The following GCC2 variants were observed in gnomAD, a reference collection of about 807,000 sequenced individuals.
The protein encoded by GCC2 is GRIP and coiled-coil domain containing 2, also known as GRIP and coiled-coil domain-containing protein 2.
GCC2 carries 120 observed loss-of-function variants against 210.6 expected under a neutral mutation model. The observed-to-expected ratio is 0.57, with a 90% CI of 0.49 to 0.66. GCC2 has a LOEUF of 0.66. Among genes scored for constraint, GCC2 ranks in the 30% least tolerant of loss-of-function variants. GCC2 has a pLI of 0.00. For synonymous variants in GCC2, 703 were observed against 652.7 expected (o/e 1.08, Z -1.17); for missense variants, 1,868 against 1,871.9 (o/e 1.00, Z 0.04).
intron 4 of GCC2, among the ~76,000 whole-genome samples, chr2:108,457,684 C>A (rs1011089813): frequency 2.0e-5 from 3 of 152,084 alleles, no homozygotes; most frequent in Non-Finnish European, 4.4e-5. Flanking sequence ...TTATAGAGAT[C>A]TTACACTTCT....
intron 11 of GCC2, 71 bp from the exon 12 acceptor site, chr2:108,482,991 T>C (rs1681947452): frequency 8.5e-6 from 7 of 822,966 alleles, no homozygotes; most frequent in Non-Finnish European, 1.4e-5. Context: ...TCAGATTTAT[T>C]TTAAAGCCCC....
At chr2:108,498,672 T>G (rs912342938) in intron 21 of GCC2, among the ~76,000 whole-genome samples, 10 of 152,212 alleles carry the variant, frequency 6.6e-5, no homozygotes, top group Admixed American at 1.3e-4. Context: ...CCTCAAAGAC[T>G]TGAACATCCT....
intron 18 of GCC2, 29 bp from the exon 19 acceptor site, chr2:108,492,544 C>G (rs1214653804): frequency 2.1e-6 from 3 of 1,447,972 alleles, no homozygotes. Flanking sequence ...GTTGAAAGAT[C>G]TTCTGTAACT....
Position 108,483,092 on chromosome 2 carries a change from G to A in GCC2, c.3376G>A (p.Glu1126Lys). The A allele has an allele frequency of 1.3e-6, 2 of 1,591,352 alleles. No individual in the cohort carries two copies. Among genetic ancestry groups the A allele is most frequent in the South Asian group, 2.2e-5 (2 of 90,548 alleles). The change falls in exon 12 of 23, where the codon GAA (glutamate) becomes AAA (lysine). Residue 1126 changes from glutamate to lysine, a missense_variant. By Grantham distance (56) the Glu-to-Lys change is moderately conservative. Coordinates refer to ENST00000309863, the MANE Select transcript of GCC2 (RefSeq NM_181453.4). ...TGCCACTACTGTAAATGAACTTGAA[G>A]AACTTCAGGTACAACTTCAAAAGCA... Reference protein sequence around the residue: ...EHATTVNELEELQVQLQKQKK... With the variant: ...EHATTVNELEKLQVQLQKQKK...
intron 4 of GCC2, among the ~76,000 whole-genome samples, chr2:108,459,845 G>T (rs1224576074): frequency 2.2e-5 from 3 of 135,506 alleles, no homozygotes; most frequent in African/African-American, 5.5e-5. Context: ...CAGAAGAATC[G>T]CTTGAACCTG....
At chr2:108,476,633 G>T (rs372084437) in intron 9 of GCC2, among the ~76,000 whole-genome samples, 3 of 152,092 alleles carry the variant, frequency 2.0e-5, no homozygotes, top group East Asian at 3.9e-4. Flanking sequence ...TTATTAAAAA[G>T]ATAAGAATTA....
In GCC2 at chr2:108,471,123, T is replaced by C. The variant is rs1356545280; in HGVS notation, c.1794T>C (p.Asp598=). Residue 598 remains aspartate (D), a synonymous_variant, in exon 6 of 23, where the codon GAT becomes GAC. Coordinates refer to ENST00000309863, the MANE Select transcript of GCC2 (RefSeq NM_181453.4). The stretch of plus-strand genomic sequence containing the variant: ...ATTCTCTTACTGAGGAAAAAGATGA[T>C]TTTATAAATAAACTGAAAAATTCCC... ...KINSLTEEKD[D]FINKLKNSHE... 7 of 1,586,952 alleles carry C rather than the reference T, an allele frequency of 4.4e-6. No individual in the cohort carries two copies. The highest frequency in any genetic ancestry group is 2.2e-5 in the East Asian group (1 of 44,688).
At chr2:108,505,859 A>G (rs1012534943) in intron 22 of GCC2, among the ~76,000 whole-genome samples, 7 of 152,208 alleles carry the variant, frequency 4.6e-5, no homozygotes, top group African/African-American at 1.7e-4. Flanking sequence ...AATAACACGC[A>G]GATAAAACCA....
intron 22 of GCC2, among the ~76,000 whole-genome samples, chr2:108,504,400 A>G (rs1360375212): frequency 6.6e-6 from 1 of 152,192 alleles, no homozygotes; most frequent in African/African-American, 2.4e-5. Context: ...AGTCCTTATA[A>G]TTAACACATA....
At position 108,469,700 on chromosome 2, in the gene GCC2, A is replaced by G. The variant is rs141520578; in HGVS notation, c.371A>G (p.His124Arg). 6,228 of 1,612,216 alleles carry G rather than the reference A, an allele frequency of 3.9e-3. 23 individuals are homozygous for G. Among genetic ancestry groups the G allele is most frequent in the Non-Finnish European group, 4.8e-3 (5,699 of 1,178,788 alleles). Residue 124 changes from histidine (H) to arginine (R), a missense_variant, in exon 6 of 23, where the codon CAT (histidine) becomes CGT (arginine). By Grantham distance (29) the His-to-Arg change is conservative. Transcript: ENST00000309863. ...GDAHKELEQSHINYVKEIENL... is the reference protein window; with the variant it reads ...GDAHKELEQSRINYVKEIENL... ...GCACATAAGGAGTTGGAACAATCAC[A>G]TATAAACTATGTGAAAGAAATTGAA...
rs1013954399 is a variant in GCC2 at position 108,449,260 on chromosome 2, G to A, written c.-15G>A. On this transcript the variant is annotated 5_prime_UTR_variant, in exon 1 of 23. Transcript: ENST00000309863. ...TGGCGGCGGCTGGTTGCGGGCCGGC[G>A]GCGGGCTGGCGGAGATGGAGGTAAC... is the stretch of plus-strand genomic sequence containing the variant. 7 of 1,549,226 alleles carry A rather than the reference G, an allele frequency of 4.5e-6. No homozygotes were observed. The highest frequency in any genetic ancestry group is 1.7e-4 in the Middle Eastern group (1 of 5,966).
intron 22 of GCC2, 99 bp from the exon 23 acceptor site, chr2:108,507,461 A>G (rs1683252977): frequency 2.4e-6 from 2 of 836,966 alleles, no homozygotes; most frequent in South Asian, 3.1e-5. Flanking sequence ...ATTTGCTTAT[A>G]TTGTAGAGTG....
At chr2:108,492,408 T>G (rs1162767372) in intron 18 of GCC2, among the ~76,000 whole-genome samples, 165 bp from the exon 19 acceptor site, 1 of 152,214 alleles carries the variant, frequency 6.6e-6, no homozygotes, top group African/African-American at 2.4e-5. Flanking sequence ...TCAGTTCTCA[T>G]CAAGTTATTT....
At chr2:108,459,662 A>G (rs1281520711) in intron 4 of GCC2, among the ~76,000 whole-genome samples, 1 of 146,398 alleles carries the variant, frequency 6.8e-6, no homozygotes, top group African/African-American at 2.5e-5. Context: ...TGGGTGCTCC[A>G]GTGTCAGGTT....
rs747054340 is a variant in GCC2, at chr2:108,497,023, A to C, written c.4696A>C (p.Ser1566Arg). Residue 1566 changes from serine to arginine, a missense_variant, in exon 21 of 23, where the codon AGT becomes CGT. Ser to Arg is a moderately radical substitution (Grantham distance 110). Transcript: ENST00000309863. ...FTKEELVQKLSSTTKSADHLN... is the reference protein window; with the variant it reads ...FTKEELVQKLRSTTKSADHLN... ...CAAAGAAGAATTGGTTCAGAAGCTC[A>C]GTTCCACCACAAAAAGTGCAGATCA... The C allele has an allele frequency of 1.5e-5, 24 of 1,612,064 alleles. No homozygotes were observed. Among genetic ancestry groups the C allele is most frequent in the Middle Eastern group, 2.3e-4 (1 of 4,430 alleles).
At chr2:108,472,721 T>C in intron 6 of GCC2, 106 bp from the exon 7 acceptor site, 1 of 689,748 alleles carries the variant, frequency 1.4e-6, no homozygotes, top group South Asian at 1.8e-5. Context: ...TTCTCTTTGA[T>C]AGTGATTTTC....
intron 22 of GCC2, among the ~76,000 whole-genome samples, chr2:108,501,540 A>G (rs1682926677): frequency 6.6e-6 from 1 of 152,048 alleles, no homozygotes; most frequent in Non-Finnish European, 1.5e-5. Flanking sequence ...ATGTCCAGAC[A>G]TCTTACTTTT....
chr2:108,452,162 T>C (rs1274931661), intron 3 of GCC2, among the ~76,000 whole-genome samples: 1 of 152,128 alleles, frequency 6.6e-6, no homozygotes, highest in Non-Finnish European at 1.5e-5. Flanking sequence ...TGCTTGAAAA[T>C]TATCAGATGG....
intron 4 of GCC2, among the ~76,000 whole-genome samples, chr2:108,453,906 A>G (rs899970915): frequency 1.3e-5 from 2 of 152,004 alleles, no homozygotes; most frequent in African/African-American, 2.4e-5. Flanking sequence ...AAGCTTCTGT[A>G]AAGTTTCTTT....
Sources: allele counts gnomAD v4.1 joint callset (sites outside exome capture counted in the v4.1 genomes callset), GRCh38; gene constraint gnomAD v4.1.1; transcripts MANE v1.5; gene names NCBI Gene and HGNC (gene_info 2026-07-23, HGNC 2026-07-21).